Variants in PLPP4 observed in about 807,000 individuals in gnomAD.
PLPP4 encodes the protein diacylglycerol pyrophosphate like 2.
Under a neutral mutation model 32.2 loss-of-function variants are expected in PLPP4, and 20 were observed. The observed-to-expected ratio is 0.62, with a 90% CI of 0.44 to 0.90. PLPP4 has a LOEUF of 0.90. PLPP4 is among the 40% of genes least tolerant of loss of function. PLPP4 has a pLI of 0.00. For synonymous variants in PLPP4, 127 were observed against 133.0 expected (o/e 0.95, Z 0.31); for missense variants, 257 against 353.1 (o/e 0.73, Z 2.18).
intron 4 of PLPP4, 48 bp downstream of exon 4, chr10:120,518,944 C>T: frequency 6.6e-7 from 1 of 1,511,274 alleles, no homozygotes; most frequent in Non-Finnish European, 9.1e-7. Context: ...TCAAGGTCAT[C>T]TATATAGGAA....
At chr10:120,519,710 C>T (rs1589809078) in intron 4 of PLPP4, among the ~76,000 whole-genome samples, 1 of 152,190 alleles carries the variant, frequency 6.6e-6, no homozygotes, top group South Asian at 2.1e-4. Flanking sequence ...TTCTGGTAGA[C>T]TGCTTAGGCC....
chr10:120,491,533 C>T (rs563160289), intron 1 of PLPP4, among the ~76,000 whole-genome samples: 2 of 152,276 alleles, frequency 1.3e-5, no homozygotes, highest in East Asian at 3.9e-4. Context: ...TTATTCTTCC[C>T]ATTGTCTTCA....
In PLPP4 at chr10:120,513,942, T is replaced by C. The variant is rs761468011; in HGVS notation, c.197T>C (p.Ile66Thr). The stretch of plus-strand genomic sequence containing the variant: ...TCTTTCCTCACACCCCTGGCTGTTA[T>C]TTGTGTGGTGAAAATTATCCGGCGA... ...AISFLTPLAV[I>T]CVVKIIRRTD... The change falls in exon 3 of 7, where the codon ATT (isoleucine) becomes ACT (threonine). Residue 66 changes from isoleucine (I) to threonine (T), a missense_variant. Coordinates refer to ENST00000398250, the MANE Select transcript of PLPP4 (RefSeq NM_001030059.3). The C allele has an allele frequency of 5.0e-6, 8 of 1,614,106 alleles. No homozygotes were observed. In the South Asian group the frequency reaches 8.8e-5, roughly 18 times the overall value.
At chr10:120,544,273 C>T (rs1021757055) in intron 5 of PLPP4, among the ~76,000 whole-genome samples, 11 of 152,242 alleles carry the variant, frequency 7.2e-5, no homozygotes, top group South Asian at 2.1e-4. Context: ...TTGTTATTTT[C>T]GGTTTTAATT....
Position 120,495,527 on chromosome 10 carries a change from G to A in PLPP4, c.57-8291G>A, listed in dbSNP as rs1052440945. On this transcript the variant is annotated intron_variant, in intron 1 of 6. Coordinates refer to ENST00000398250, the MANE Select transcript of PLPP4 (RefSeq NM_001030059.3). ...GAGCTTTTCCCCATTGCCCGAGAGAGAGGCTGACTAGGGAGGAAAAATCAA... is the reference window on the plus strand; with the variant it reads ...GAGCTTTTCCCCATTGCCCGAGAGAAAGGCTGACTAGGGAGGAAAAATCAA... Among the ~76,000 whole-genome samples, 8 of 152,304 alleles carry A rather than the reference G, an allele frequency of 5.3e-5. No homozygotes were observed. In the East Asian group the frequency reaches 9.7e-4, roughly 18 times the overall value.
At chr10:120,483,333 G>A (rs765368569) in intron 1 of PLPP4, among the ~76,000 whole-genome samples, 2 of 152,174 alleles carry the variant, frequency 1.3e-5, no homozygotes, top group African/African-American at 2.4e-5. Context: ...GTGATGGTAT[G>A]AGTCAGTTCT....
At chr10:120,486,948 T>C (rs1346498459) in intron 1 of PLPP4, among the ~76,000 whole-genome samples, 1 of 152,224 alleles carries the variant, frequency 6.6e-6, no homozygotes, top group Non-Finnish European at 1.5e-5. Context: ...TTGCTTATTG[T>C]GGGATTCAGA....
chr10:120,465,287 G>A (rs10510069), intron 1 of PLPP4, among the ~76,000 whole-genome samples: 12,655 of 152,186 alleles, frequency 0.083, 698 homozygotes, highest in East Asian at 0.27. Flanking sequence ...GGCCCTTGTC[G>A]TCATTCAACC....
intron 1 of PLPP4, among the ~76,000 whole-genome samples, chr10:120,500,589 C>G (rs1332973780): frequency 7.1e-6 from 1 of 141,190 alleles, no homozygotes; most frequent in Non-Finnish European, 1.5e-5. Context: ...CTGCCTTGTT[C>G]TGGGATACCT....
At chr10:120,563,304 A>C (rs548366199) in intron 5 of PLPP4, among the ~76,000 whole-genome samples, 3 of 152,368 alleles carry the variant, frequency 2.0e-5, no homozygotes, top group South Asian at 2.1e-4. Context: ...TGAATGATAG[A>C]TCAAACATAA....
At chr10:120,457,762 G>A (rs1313455222) in intron 1 of PLPP4, among the ~76,000 whole-genome samples, 7 of 152,138 alleles carry the variant, frequency 4.6e-5, no homozygotes, top group Admixed American at 4.6e-4. Context: ...CCCTGGCCCC[G>A]TCTCCGATTC....
In PLPP4 at chr10:120,467,522, C is replaced by G. The variant is rs542725848; in HGVS notation, c.56+10161C>G. On this transcript the variant is annotated intron_variant, in intron 1 of 6. Coordinates refer to ENST00000398250, the MANE Select transcript of PLPP4 (RefSeq NM_001030059.3). ...TACCATGTGCCACCTTTGTACTAGG[C>G]ACTTGTCACAGTCATAGGCTTTAAT... 3.1e-5 allele frequency among the ~76,000 whole-genome samples: 2 copies of G among 64,804 alleles called. 1 individual carries two copies. Among genetic ancestry groups the G allele is most frequent in the South Asian group, 1.3e-3 (2 of 1,520 alleles). The allele number at this position is 64,804 out of a possible 152,430, so 42.5% of individuals were successfully genotyped here.
At position 120,591,252 on chromosome 10, in the gene PLPP4, A is replaced by G. The variant is rs1589948589; in HGVS notation, c.*1750A>G. 6.6e-6 allele frequency among the ~76,000 whole-genome samples: 1 copy of G among 152,132 alleles called. No individual in the cohort carries two copies. The highest frequency in any genetic ancestry group is 1.9e-4 in the East Asian group (1 of 5,174). ...GCTTGGAGTGCATGTACCACTGACT[A>G]TGCTCCATGAGCCCCAGTGCAGCCC... is the stretch of plus-strand genomic sequence containing the variant. On this transcript the variant is annotated 3_prime_UTR_variant, in exon 7 of 7. Transcript: ENST00000398250.
intron 5 of PLPP4, among the ~76,000 whole-genome samples, chr10:120,553,319 A>AGGTCATAG (rs371539410): frequency 3.9e-5 from 6 of 152,182 alleles, no homozygotes; most frequent in African/African-American, 7.2e-5. Flanking sequence ...GCCTAATGAT[A>AGGTCATAG]GGTCATAGGG....
At chr10:120,471,720 G>C (rs747584740) in intron 1 of PLPP4, among the ~76,000 whole-genome samples, 30 of 151,920 alleles carry the variant, frequency 2.0e-4, no homozygotes, top group Non-Finnish European at 4.1e-4. Flanking sequence ...AATTGGAGTG[G>C]TTAAGCCATT....
intron 5 of PLPP4, among the ~76,000 whole-genome samples, chr10:120,573,892 C>T (rs1161980061): frequency 6.6e-6 from 1 of 152,040 alleles, no homozygotes; most frequent in African/African-American, 2.4e-5. Flanking sequence ...TGGCTCAGGG[C>T]TTTGGGCAGT....
intron 5 of PLPP4, among the ~76,000 whole-genome samples, chr10:120,554,214 A>T (rs1848041612): frequency 6.6e-6 from 1 of 152,172 alleles, no homozygotes; most frequent in Non-Finnish European, 1.5e-5. Context: ...ACTGTAAATG[A>T]TCACTCTCAA....
intron 1 of PLPP4, 106 bp downstream of exon 1, chr10:120,457,467 T>TCGAACCCAGGCCCCA: frequency 9.8e-7 from 1 of 1,022,514 alleles, no homozygotes; most frequent in Non-Finnish European, 1.4e-6. Context: ...CACTGGGGCC[T>TCGAACCCAGGCCCCA]GGGTTCGAGG....
chr10:120,495,602 T>G (rs1025627845), intron 1 of PLPP4, among the ~76,000 whole-genome samples: 2 of 152,130 alleles, frequency 1.3e-5, no homozygotes, highest in African/African-American at 4.8e-5. Flanking sequence ...CTGGAAAATG[T>G]TTTTTGTTTA....
Sources: allele counts gnomAD v4.1 joint callset (sites outside exome capture counted in the v4.1 genomes callset), GRCh38; gene constraint gnomAD v4.1.1; transcripts MANE v1.5; gene names NCBI Gene and HGNC (gene_info 2026-07-23, HGNC 2026-07-21).